MICU1: variants seen among roughly 807,000 people sequenced by gnomAD.
MICU1 encodes the protein mitochondrial calcium uptake 1.
Under a neutral mutation model 56.8 loss-of-function variants are expected in MICU1, and 45 were observed. The ratio of observed to expected loss-of-function variants is 0.79; its 90% CI spans 0.62 to 1.02. MICU1 has a LOEUF of 1.02. Ranked by LOEUF, MICU1 falls within the 50% of genes least tolerant of loss-of-function variation. The pLI is 0.00. For synonymous variants in MICU1, 186 were observed against 195.1 expected (o/e 0.95, Z 0.39); for missense variants, 504 against 587.1 (o/e 0.86, Z 1.46).
chr10:72,434,927 T>C (rs1864658496), intron 8 of MICU1, among the ~76,000 whole-genome samples: 1 of 152,174 alleles, frequency 6.6e-6, no homozygotes, highest in Non-Finnish European at 1.5e-5. Flanking sequence ...CCAGGCTTGA[T>C]ATGCTGATTT....
At chr10:72,500,101 T>A (rs75193963) in intron 6 of MICU1, among the ~76,000 whole-genome samples, 3,918 of 151,772 alleles carry the variant, frequency 0.026, 160 homozygotes, top group African/African-American at 0.091. Flanking sequence ...AAAATGAGAA[T>A]ATAATGAATT....
intron 6 of MICU1, among the ~76,000 whole-genome samples, chr10:72,482,735 G>A (rs1253043906): frequency 6.6e-6 from 1 of 151,558 alleles, no homozygotes; most frequent in Non-Finnish European, 1.5e-5. Flanking sequence ...CTCTAAAAAG[G>A]CTTCTTAGAA....
At chr10:72,536,965 T>C (rs1839653587) in intron 4 of MICU1, among the ~76,000 whole-genome samples, 1 of 152,172 alleles carries the variant, frequency 6.6e-6, no homozygotes, top group Non-Finnish European at 1.5e-5. Flanking sequence ...TAACTTAAAA[T>C]TTTAAAGGTG....
chr10:72,454,782 CAA>C (rs10591892), intron 8 of MICU1, among the ~76,000 whole-genome samples: 77,671 of 118,594 alleles, frequency 0.65, 23,267 homozygotes, highest in African/African-American at 0.73. Flanking sequence ...AACTCCATCT[CAA>C]AAAAAAAAAA....
intron 1 of MICU1, among the ~76,000 whole-genome samples, chr10:72,607,755 C>A (rs1841731952): frequency 6.6e-6 from 1 of 151,912 alleles, no homozygotes; most frequent in South Asian, 2.1e-4. Flanking sequence ...ACCTCCAATT[C>A]GCAGTGAGGT....
intron 9 of MICU1, among the ~76,000 whole-genome samples, chr10:72,409,054 G>A (rs1412357983): frequency 2.7e-5 from 4 of 150,832 alleles, no homozygotes; most frequent in Admixed American, 2.0e-4. Context: ...TTTATAGGGA[G>A]GAAGATTTGT....
At chr10:72,441,494 T>G (rs1864925967) in intron 8 of MICU1, among the ~76,000 whole-genome samples, 1 of 149,590 alleles carries the variant, frequency 6.7e-6, no homozygotes, top group African/African-American at 2.5e-5. Context: ...ACATGGCACA[T>G]GTATACCTGT....
At chr10:72,380,296 A>C (rs1862658309) in intron 10 of MICU1, among the ~76,000 whole-genome samples, 1 of 152,142 alleles carries the variant, frequency 6.6e-6, no homozygotes, top group Non-Finnish European at 1.5e-5. Context: ...TTTTGTACAA[A>C]TCTGGCCCAG....
intron 1 of MICU1, among the ~76,000 whole-genome samples, chr10:72,596,143 G>A (rs1324390570): frequency 5.9e-5 from 9 of 151,904 alleles, no homozygotes; most frequent in Non-Finnish European, 5.9e-5. Context: ...CCACCACCAC[G>A]CCCAGCTAAT....
chr10:72,533,614 C>T, intron 5 of MICU1, 132 bp downstream of exon 5: 2 of 633,996 alleles, frequency 3.2e-6, no homozygotes, highest in South Asian at 4.9e-5. Flanking sequence ...GCACAGACCC[C>T]CTAACCTAAG....
chr10:72,408,683 C>A (rs952238087), intron 9 of MICU1, among the ~76,000 whole-genome samples: 2 of 152,206 alleles, frequency 1.3e-5, no homozygotes, highest in Admixed American at 1.3e-4. Flanking sequence ...TGGGCTATAG[C>A]TACTTGACTT....
chr10:72,409,827 T>C (rs1863749562), intron 9 of MICU1, among the ~76,000 whole-genome samples: 1 of 152,242 alleles, frequency 6.6e-6, no homozygotes, highest in Non-Finnish European at 1.5e-5. Context: ...AAAATATAAA[T>C]GTACAACTTA....
intron 1 of MICU1, among the ~76,000 whole-genome samples, chr10:72,583,489 C>A (rs982214401): frequency 6.6e-6 from 1 of 152,064 alleles, no homozygotes; most frequent in Non-Finnish European, 1.5e-5. Flanking sequence ...CCATGTTGGC[C>A]AGGCTGGTCT....
In MICU1 at chr10:72,603,549, A is replaced by T. The variant is rs369729241; in HGVS notation, c.-2+22461T>A. Among the ~76,000 whole-genome samples, 191 of 152,014 alleles carry T rather than the reference A, an allele frequency of 1.3e-3. 4 individuals are homozygous for T. In the South Asian group the frequency reaches 0.035, roughly 28 times the overall value. On this transcript the variant is annotated intron_variant, in intron 1 of 11. Transcript: ENST00000361114. The stretch of plus-strand genomic sequence containing the variant: ...TACATGTAAGTCGCCCAGGCACAGT[A>T]GCTCACACCTATAATCCCAGCACTT...
chr10:72,407,030 A>G (rs564682696), intron 10 of MICU1, among the ~76,000 whole-genome samples: 4 of 152,360 alleles, frequency 2.6e-5, no homozygotes, highest in African/African-American at 9.6e-5. Flanking sequence ...AGACGAGTGT[A>G]CATTTATATA....
At chr10:72,497,836 A>C (rs1866897647) in intron 6 of MICU1, among the ~76,000 whole-genome samples, 1 of 152,190 alleles carries the variant, frequency 6.6e-6, no homozygotes, top group East Asian at 1.9e-4. Flanking sequence ...GAACTCAAAG[A>C]AGCCACATCT....
At chr10:72,454,806 C>A (rs146823276) in intron 8 of MICU1, among the ~76,000 whole-genome samples, 48 of 146,148 alleles carry the variant, frequency 3.3e-4, no homozygotes, top group South Asian at 1.5e-3. Context: ...AAACAAAAAA[C>A]AAAAAATATA....
intron 9 of MICU1, among the ~76,000 whole-genome samples, chr10:72,408,285 G>C (rs1285684346): frequency 1.3e-5 from 2 of 152,104 alleles, no homozygotes; most frequent in Non-Finnish European, 2.9e-5. Context: ...AGCTTACAGT[G>C]ATGGCTGAAT....
intron 8 of MICU1, among the ~76,000 whole-genome samples, chr10:72,439,204 G>A (rs923609179): frequency 2.6e-5 from 4 of 151,964 alleles, no homozygotes; most frequent in Non-Finnish European, 5.9e-5. Flanking sequence ...TATCCACCAC[G>A]ATCAAGTTGG....
Sources: allele counts gnomAD v4.1 joint callset (sites outside exome capture counted in the v4.1 genomes callset), GRCh38; gene constraint gnomAD v4.1.1; transcripts MANE v1.5; gene names NCBI Gene and HGNC (gene_info 2026-07-23, HGNC 2026-07-21).